Variants in PRR16 observed in about 807,000 individuals in gnomAD.
PRR16 encodes the protein protein Largen.
PRR16 carries 6 observed loss-of-function variants against 18.2 expected under a neutral mutation model. The observed-to-expected ratio is 0.33, with a 90% CI of 0.18 to 0.65. The LOEUF is 0.65. Among genes scored for constraint, PRR16 ranks in the 30% least tolerant of loss-of-function variants. The probability of loss-of-function intolerance (pLI) is 0.74; values close to 1 mark genes in which losing one functional copy is unlikely to be tolerated. For missense variants in PRR16, 412 were observed against 376.6 expected (o/e 1.09, Z -0.78); for synonymous variants, 151 against 147.8 (o/e 1.02, Z -0.16).
chr5:120,714,566 A>G, the PRR16 span, among the ~76,000 whole-genome samples: 8 of 135,652 alleles, frequency 5.9e-5, no homozygotes, highest in Middle Eastern at 0.016. Context: ...CAACCATTGT[A>G]GAAGACAGTA....
chr5:120,743,492 G>A, the PRR16 span, among the ~76,000 whole-genome samples: 8 of 152,042 alleles, frequency 5.3e-5, no homozygotes, highest in African/African-American at 1.9e-4. Context: ...CAGAGTTATT[G>A]TTCTGTCTTC....
At chr5:120,603,402 T>C (rs1200364315) in intron 1 of PRR16, among the ~76,000 whole-genome samples, 1 of 152,068 alleles carries the variant, frequency 6.6e-6, no homozygotes, top group African/African-American at 2.4e-5. Context: ...GGGATTAGTG[T>C]TAATGTCACC....
chr5:120,699,319 G>C, the PRR16 span, among the ~76,000 whole-genome samples: 1 of 152,322 alleles, frequency 6.6e-6, no homozygotes, highest in Non-Finnish European at 1.5e-5. Context: ...GTGGCGATTA[G>C]GCCTGGTGGA....
chr5:120,680,174 A>C (rs1334931194), intron 1 of PRR16, among the ~76,000 whole-genome samples: 1 of 152,106 alleles, frequency 6.6e-6, no homozygotes, highest in East Asian at 1.9e-4. Flanking sequence ...TATCCTTTTA[A>C]AAGAAACAAA....
At chr5:120,489,997 T>C in intron 1 of PRR16, among the ~76,000 whole-genome samples, 1 of 152,206 alleles carries the variant, frequency 6.6e-6, no homozygotes, top group Non-Finnish European at 1.5e-5. Context: ...TCTTCTGGCT[T>C]GTAGAGTTTC....
chr5:120,527,023 C>T (rs191267700), intron 1 of PRR16, among the ~76,000 whole-genome samples: 66 of 152,250 alleles, frequency 4.3e-4, no homozygotes, highest in African/African-American at 1.5e-3. Flanking sequence ...CTCAGTTCTC[C>T]TCCCCCCAGG....
At chr5:120,550,905 A>C (rs1752233163) in intron 1 of PRR16, among the ~76,000 whole-genome samples, 1 of 151,978 alleles carries the variant, frequency 6.6e-6, no homozygotes, top group Admixed American at 6.6e-5. Flanking sequence ...ACTCAAGTTT[A>C]CTAAGTATAC....
chr5:120,706,986 T>A, the PRR16 span, among the ~76,000 whole-genome samples: 1 of 152,198 alleles, frequency 6.6e-6, no homozygotes, highest in Admixed American at 6.5e-5. Flanking sequence ...TCTTTTTTGA[T>A]GATTACATTT....
At chr5:120,628,666 CCTATCTATCTAT>C (rs201190978) in intron 1 of PRR16, among the ~76,000 whole-genome samples, 10 of 136,436 alleles carry the variant, frequency 7.3e-5, no homozygotes, top group South Asian at 2.4e-4. Context: ...TATCTACCTA[CCTATCTATCTAT>C]CTATCTATCA....
At chr5:120,551,598 A>C (rs193125356) in intron 1 of PRR16, among the ~76,000 whole-genome samples, 1 of 152,136 alleles carries the variant, frequency 6.6e-6, no homozygotes, top group East Asian at 1.9e-4. Flanking sequence ...AAGCTTTAGC[A>C]AATATCACTG....
At chr5:120,561,029 T>C (rs1435401740) in intron 1 of PRR16, among the ~76,000 whole-genome samples, 1 of 152,086 alleles carries the variant, frequency 6.6e-6, no homozygotes, top group Admixed American at 6.6e-5. Flanking sequence ...TTGATTAGTC[T>C]GGCTAAAGGT....
At chr5:120,674,308 C>T (rs1159235729) in intron 1 of PRR16, among the ~76,000 whole-genome samples, 2 of 152,170 alleles carry the variant, frequency 1.3e-5, no homozygotes, top group African/African-American at 2.4e-5. Flanking sequence ...GGATCCTATG[C>T]ATCTCTTCTT....
At chr5:120,641,510 C>G (rs1375002087) in intron 1 of PRR16, among the ~76,000 whole-genome samples, 1 of 152,036 alleles carries the variant, frequency 6.6e-6, no homozygotes, top group Non-Finnish European at 1.5e-5. Flanking sequence ...TGAAGGAAAA[C>G]CCTACTTCCA....
intron 1 of PRR16, among the ~76,000 whole-genome samples, chr5:120,486,673 G>A (rs943588851): frequency 6.6e-6 from 1 of 152,138 alleles, no homozygotes; most frequent in African/African-American, 2.4e-5. Context: ...TGCCATTTTT[G>A]TCTTTTGTTG....
At chr5:120,582,838 G>A (rs1753318272) in intron 1 of PRR16, among the ~76,000 whole-genome samples, 1 of 151,468 alleles carries the variant, frequency 6.6e-6, no homozygotes, top group African/African-American at 2.4e-5. Flanking sequence ...AGGCTTGGCA[G>A]TTTGCCAGAT....
In PRR16 at chr5:120,656,971, G is replaced by T. The variant is rs139336463; in HGVS notation, c.160-28983G>T. Among the ~76,000 whole-genome samples, 1,008 of 152,080 alleles carry T rather than the reference G, an allele frequency of 6.6e-3. 7 individuals are homozygous for T. The highest frequency in any genetic ancestry group is 0.01 in the Non-Finnish European group (704 of 67,932). On this transcript the variant is annotated intron_variant, in intron 1 of 1. Transcript: ENST00000407149. ...TTTTTATTCCTTGGGGCTTTGGAAT[G>T]AGAAATGTCTGCATTTAACTTTATA...
At chr5:120,529,171 C>T (rs906296465) in intron 1 of PRR16, among the ~76,000 whole-genome samples, 3 of 152,046 alleles carry the variant, frequency 2.0e-5, no homozygotes, top group African/African-American at 7.2e-5. Flanking sequence ...CTCTTTATAG[C>T]ATTAATTGAG....
At chr5:120,753,976 AATATAATATATAACAT>A in the PRR16 span, among the ~76,000 whole-genome samples, 74 of 122,430 alleles carry the variant, frequency 6.0e-4, no homozygotes, top group African/African-American at 2.3e-3. Context: ...TATGTTATAT[AATATAATATATAACAT>A]ATATAATATA....
chr5:120,702,672 A>G, the PRR16 span, among the ~76,000 whole-genome samples: 1 of 152,280 alleles, frequency 6.6e-6, no homozygotes, highest in South Asian at 2.1e-4. Context: ...GGGTCCACGG[A>G]TAAAACGTGT....
Sources: gnomAD v4.1 joint callset for allele counts (sites outside exome capture counted in the v4.1 genomes callset) on GRCh38, gnomAD v4.1.1 for gene constraint, MANE v1.5 for transcripts, NCBI Gene and HGNC (gene_info 2026-07-23, HGNC 2026-07-21) for gene names.